Variants in MRPS34 observed in about 807,000 individuals in gnomAD.
MRPS34 encodes small ribosomal subunit protein mS34.
In MRPS34, 12 loss-of-function variants were observed where a neutral mutation model predicts 13.3. That is an observed-to-expected ratio of 0.90 (90% CI 0.58 to 1.46). The LOEUF (loss-of-function observed/expected upper bound fraction) is 1.46, where lower values mean the gene tolerates loss of function less well. MRPS34 is among the 40% of genes most tolerant of loss of function. MRPS34 has a pLI of 0.00. For missense variants in MRPS34, 419 were observed against 335.3 expected (o/e 1.25, Z -1.95); for synonymous variants, 181 against 149.3 (o/e 1.21, Z -1.55).
Position 1,772,586 on chromosome 16 carries a change from C to G in MRPS34, c.364+18G>C. On this transcript the variant is annotated intron_variant, in intron 2 of 2. Coordinates refer to ENST00000397375, the MANE Select transcript of MRPS34 (RefSeq NM_023936.2). ...GGTCGGCATCGAACTGCCGGGCACC[C>G]GCTCTCCCGAGCCTTACCTTTGAAG... 1 of 1,612,292 alleles carries G rather than the reference C, an allele frequency of 6.2e-7. No individual in the cohort carries two copies. The highest frequency in any genetic ancestry group is 1.1e-5 in the South Asian group (1 of 91,082).
In MRPS34 at chr16:1,773,104, C is replaced by T. The variant is rs748505165; in HGVS notation, c.16G>A (p.Val6Met). The change falls in exon 1 of 3, where the codon GTG becomes ATG. Residue 6 changes from valine (V) to methionine (M), a missense_variant. By Grantham distance (21) the Val-to-Met change is conservative (BLOSUM62 1). Coordinates refer to ENST00000397375, the MANE Select transcript of MRPS34 (RefSeq NM_023936.2). MARKK[V>M]RPRLIAELAR... is the part of the protein sequence containing the mutation. ...AGCTCCGCGATCAGCCGCGGACGCACCTTCTTCCGCGCCATGGCGGGTCCG... is the reference window on the plus strand; with the variant it reads ...AGCTCCGCGATCAGCCGCGGACGCATCTTCTTCCGCGCCATGGCGGGTCCG... 2.9e-6 allele frequency: 4 copies of T among 1,399,394 alleles called. No individual in the cohort carries two copies. The African/African-American group carries it at 4.6e-5, about 16-fold the overall frequency. The allele number at this position is 1,399,394 out of a possible 1,614,324, so 86.7% of individuals were successfully genotyped here. A position where few individuals can be genotyped will look rare whatever the true frequency, so the allele number is the denominator to read the frequency against.
chr16:1,772,449 G>C lies in MRPS34; in HGVS notation c.429C>G (p.Pro143=). Residue 143 remains proline (P), a synonymous_variant, in exon 3 of 3, where the codon CCC becomes CCG. Coordinates refer to ENST00000397375, the MANE Select transcript of MRPS34 (RefSeq NM_023936.2). ...CGGTGAAGGCCTCCTCCTCGTGCTTGGGCACCAGCCGCCAGTCATGGTACA... is the reference window on the plus strand; with the variant it reads ...CGGTGAAGGCCTCCTCCTCGTGCTTCGGCACCAGCCGCCAGTCATGGTACA... The part of the protein sequence containing the change: ...HVMYHDWRLV[P]KHEEEAFTAF... 6.2e-7 allele frequency: 1 copy of C among 1,612,038 alleles called. No individual in the cohort carries two copies. Among genetic ancestry groups the C allele is most frequent in the African/African-American group, 1.3e-5 (1 of 75,040 alleles).
At chr16:1,772,763 G>A (rs2042641292) in intron 1 of MRPS34, 36 bp downstream of exon 1, 3 of 1,511,932 alleles carry the variant, frequency 2.0e-6, no homozygotes, top group Non-Finnish European at 1.8e-6. Context: ...GAGACCAGGC[G>A]GCTGCAGGGG....
At position 1,772,661 on chromosome 16, in the gene MRPS34, G is replaced by A. The variant is rs200405106; in HGVS notation, c.322-15C>T. 1.1e-5 allele frequency: 18 copies of A among 1,602,894 alleles called. No individual in the cohort carries two copies. Among genetic ancestry groups the A allele is most frequent in the African/African-American group, 8.0e-5 (6 of 75,072 alleles). ...TGGTCCAAGTTCTGCAAAGCCAGAAGGAAGCGGGGTCAGCTCGCAAAGCTC... is the reference window on the plus strand; with the variant it reads ...TGGTCCAAGTTCTGCAAAGCCAGAAAGAAGCGGGGTCAGCTCGCAAAGCTC... On this transcript the variant is annotated splice_polypyrimidine_tract_variant and intron_variant, in intron 1 of 2. Transcript: ENST00000397375.
Position 1,772,497 on chromosome 16 carries a change from C to T in MRPS34, c.381G>A (p.Glu127=). ...ACATGACGTGTTCGATCTCCCGCGC[C>T]TCGCTCTCAGTCTTCCCTGATGAAG... ...ILTFKGKTES[E]AREIEHVMYH... Residue 127 remains glutamate (E), a synonymous_variant, in exon 3 of 3, where the codon GAG becomes GAA. Coordinates refer to ENST00000397375, the MANE Select transcript of MRPS34 (RefSeq NM_023936.2). 6.2e-7 allele frequency: 1 copy of T among 1,611,310 alleles called. No homozygotes were observed. Among genetic ancestry groups the T allele is most frequent in the Non-Finnish European group, 8.5e-7 (1 of 1,178,804 alleles).
Position 1,772,137 on chromosome 16 carries a change from G to A in MRPS34, c.*84C>T, listed in dbSNP as rs540730639. 2.9e-6 allele frequency: 4 copies of A among 1,366,292 alleles called. No individual in the cohort carries two copies. The highest frequency in any genetic ancestry group is 2.3e-5 in the East Asian group (1 of 43,400). 84.6% of individuals were successfully genotyped at this position (1,366,292 alleles called of 1,614,324 possible). A position where few individuals can be genotyped will look rare whatever the true frequency, so the allele number is the denominator to read the frequency against. On this transcript the variant is annotated 3_prime_UTR_variant, in exon 3 of 3. Coordinates refer to ENST00000397375, the MANE Select transcript of MRPS34 (RefSeq NM_023936.2). ...GCTCCCTGCTCCGAGAGGCAGACTCGGGTGTAACGCAAAGACGGTTTCTTT... is the reference window on the plus strand; with the variant it reads ...GCTCCCTGCTCCGAGAGGCAGACTCAGGTGTAACGCAAAGACGGTTTCTTT...
Position 1,772,347 on chromosome 16 carries a change from T to G in MRPS34, c.531A>C (p.Glu177Asp), listed in dbSNP as rs1427082942. The G allele has an allele frequency of 6.2e-7, 1 of 1,612,920 alleles. No individual in the cohort carries two copies. The highest frequency in any genetic ancestry group is 1.3e-5 in the African/African-American group (1 of 74,940). Residue 177 changes from glutamate (E) to aspartate (D), a missense_variant, in exon 3 of 3, where the codon GAA becomes GAC. Transcript: ENST00000397375. ...TGCTTGTGTCTCCATTTTTCTGTCG[T>G]TCTGCGATAATCATGGCCCGGAGGA... is the stretch of plus-strand genomic sequence containing the variant. ...PPLLRAMIIA[E>D]RQKNGDTSTE...
rs1442840837 is a variant in MRPS34 at position 1,772,507 on chromosome 16, G to A, written c.371C>T (p.Thr124Ile). ...TTCGATCTCCCGCGCCTCGCTCTCA[G>A]TCTTCCCTGATGAAGAAAAAGAGGC... ...AWGILTFKGK[T>I]ESEAREIEHV... The change falls in exon 3 of 3, where the codon ACT becomes ATT. Residue 124 changes from threonine (T) to isoleucine (I), a missense_variant. Physicochemically the swap from Thr to Ile is moderately conservative, Grantham distance 89. Coordinates refer to ENST00000397375, the MANE Select transcript of MRPS34 (RefSeq NM_023936.2). 6.2e-7 allele frequency: 1 copy of A among 1,611,314 alleles called. No homozygotes were observed. Among genetic ancestry groups the A allele is most frequent in the Non-Finnish European group, 8.5e-7 (1 of 1,178,900 alleles).
chr16:1,772,693 C>G (rs770241317), intron 1 of MRPS34, 47 bp from the exon 2 acceptor site: 1 of 1,587,790 alleles, frequency 6.3e-7, no homozygotes, highest in Admixed American at 1.7e-5. Context: ...GCTCTCGGCC[C>G]CCGAGGTCAG....
At position 1,772,889 on chromosome 16, in the gene MRPS34, G is replaced by T; in HGVS notation, c.231C>A (p.Gly77=). Residue 77 remains glycine (G), a synonymous_variant, in exon 1 of 3, where the codon GGC becomes GGA. Transcript: ENST00000397375. ...GCCAGGACTTGCGCGTGACCAGGCG[G>T]CCCAGGCCGAAGAGCGGGAGGCGGC... The part of the protein sequence containing the change: ...LLGRLPLFGL[G]RLVTRKSWLW... 3 of 1,452,722 alleles carry T rather than the reference G, an allele frequency of 2.1e-6. No individual in the cohort carries two copies. Among genetic ancestry groups the T allele is most frequent in the Non-Finnish European group, 2.7e-6 (3 of 1,109,832 alleles). 90.0% of individuals were successfully genotyped at this position (1,452,722 alleles called of 1,614,324 possible). A position where few individuals can be genotyped will look rare whatever the true frequency, so the allele number is the denominator to read the frequency against.
rs1410732345 is a variant in MRPS34 at position 1,772,888 on chromosome 16, G to A, written c.232C>T (p.Arg78Cys). Residue 78 changes from arginine (R) to cysteine (C), a missense_variant, in exon 1 of 3, where the codon CGC (arginine) becomes TGC (cysteine). Physicochemically the swap from Arg to Cys is radical, Grantham distance 180. Coordinates refer to ENST00000397375, the MANE Select transcript of MRPS34 (RefSeq NM_023936.2). ...LGRLPLFGLG[R>C]LVTRKSWLWQ... is the part of the protein sequence containing the mutation. ...AGCCAGGACTTGCGCGTGACCAGGC[G>A]GCCCAGGCCGAAGAGCGGGAGGCGG... The A allele has an allele frequency of 6.9e-7, 1 of 1,450,102 alleles. No homozygotes were observed. Among genetic ancestry groups the A allele is most frequent in the Non-Finnish European group, 9.0e-7 (1 of 1,108,808 alleles). 89.8% of individuals were successfully genotyped at this position (1,450,102 alleles called of 1,614,324 possible).
In MRPS34 at chr16:1,772,853, G is replaced by C. The variant is rs2042643468; in HGVS notation, c.267C>G (p.His89Gln). ...TGAGGCGCCAGTAGCACGGCTCGTCGTGCTGCCACAGCCAGGACTTGCGCG... is the reference window on the plus strand; with the variant it reads ...TGAGGCGCCAGTAGCACGGCTCGTCCTGCTGCCACAGCCAGGACTTGCGCG... ...LVTRKSWLWQ[H>Q]DEPCYWRLTR... Residue 89 changes from histidine (H) to glutamine (Q), a missense_variant, in exon 1 of 3, where the codon CAC (histidine) becomes CAG (glutamine). His to Gln is a conservative substitution (Grantham distance 24). Coordinates refer to ENST00000397375, the MANE Select transcript of MRPS34 (RefSeq NM_023936.2). The C allele has an allele frequency of 6.9e-7, 1 of 1,444,132 alleles. No individual in the cohort carries two copies. Among genetic ancestry groups the C allele is most frequent in the Non-Finnish European group, 9.1e-7 (1 of 1,103,660 alleles). 89.5% of individuals were successfully genotyped at this position (1,444,132 alleles called of 1,614,324 possible).
Position 1,773,126 on chromosome 16 carries a change from T to C in MRPS34, c.-7A>G. On this transcript the variant is annotated 5_prime_UTR_variant, in exon 1 of 3. Coordinates refer to ENST00000397375, the MANE Select transcript of MRPS34 (RefSeq NM_023936.2). ...GCACCTTCTTCCGCGCCATGGCGGGTCCGCGTCCTCAGCGGTCCGGCCGGA... is the reference window on the plus strand; with the variant it reads ...GCACCTTCTTCCGCGCCATGGCGGGCCCGCGTCCTCAGCGGTCCGGCCGGA... 7.2e-7 allele frequency: 1 copy of C among 1,388,496 alleles called. No individual in the cohort carries two copies. Among genetic ancestry groups the C allele is most frequent in the Non-Finnish European group, 9.3e-7 (1 of 1,076,768 alleles). 86.0% of individuals were successfully genotyped at this position (1,388,496 alleles called of 1,614,324 possible).
Sources: gnomAD v4.1 joint callset for allele counts on GRCh38, gnomAD v4.1.1 for gene constraint, MANE v1.5 for transcripts, NCBI Gene and HGNC (gene_info 2026-07-23, HGNC 2026-07-21) for gene names.